Variants in TMPRSS11E observed in about 807,000 individuals in gnomAD.
The protein encoded by TMPRSS11E is transmembrane protease serine 11E.
Under a neutral mutation model 48.1 loss-of-function variants are expected in TMPRSS11E, and 38 were observed. The ratio of observed to expected loss-of-function variants is 0.79; its 90% CI spans 0.61 to 1.04. The LOEUF is 1.04. Ranked by LOEUF, TMPRSS11E falls within the 50% of genes least tolerant of loss-of-function variation. The pLI, the probability that TMPRSS11E is intolerant of heterozygous loss-of-function variation, is 0.00. For missense variants in TMPRSS11E, 530 were observed against 510.8 expected (o/e 1.04, Z -0.36); for synonymous variants, 158 against 171.9 (o/e 0.92, Z 0.63).
chr4:68,491,157 T>C (rs1310709849), intron 9 of TMPRSS11E, among the ~76,000 whole-genome samples: 1 of 152,032 alleles, frequency 6.6e-6, no homozygotes, highest in African/African-American at 2.4e-5. Flanking sequence ...ATTGTCTTCC[T>C]GGATTTGCTG....
At chr4:68,482,590 CAAAAAAAAAAAAAAAA>C (rs371144994) in intron 9 of TMPRSS11E, among the ~76,000 whole-genome samples, 3 of 106,056 alleles carry the variant, frequency 2.8e-5, no homozygotes, top group African/African-American at 3.9e-5. Flanking sequence ...TGCATCTCCA[CAAAAAAAAAAAAAAAA>C]AAAAAAAAAA....
At chr4:68,489,407 GTGGCAGTGGGT>G (rs1376778589) in intron 9 of TMPRSS11E, among the ~76,000 whole-genome samples, 1 of 152,196 alleles carries the variant, frequency 6.6e-6, no homozygotes, top group Non-Finnish European at 1.5e-5. Context: ...CTTTGGCGGG[GTGGCAGTGGGT>G]CAGTGAGGGT....
At chr4:68,495,224 G>A (rs1035018501) in intron 9 of TMPRSS11E, among the ~76,000 whole-genome samples, 1 of 151,918 alleles carries the variant, frequency 6.6e-6, no homozygotes, top group South Asian at 2.1e-4. Flanking sequence ...TTTTCAGCTT[G>A]TAATGCTATT....
At chr4:68,452,895 T>C (rs963700676) in intron 1 of TMPRSS11E, among the ~76,000 whole-genome samples, 1 of 151,986 alleles carries the variant, frequency 6.6e-6, no homozygotes, top group Non-Finnish European at 1.5e-5. Flanking sequence ...TACTAAACTG[T>C]AGGACAACTG....
intron 2 of TMPRSS11E, among the ~76,000 whole-genome samples, chr4:68,465,877 G>A (rs1436396750): frequency 6.6e-6 from 1 of 152,136 alleles, no homozygotes; most frequent in African/African-American, 2.4e-5. Context: ...CTGTCTGCTT[G>A]CTTTATGCAC....
chr4:68,477,660 T>G, intron 8 of TMPRSS11E, 32 bp downstream of exon 8: 1 of 1,605,934 alleles, frequency 6.2e-7, no homozygotes, highest in Non-Finnish European at 8.5e-7. Context: ...CAAGTAAAAG[T>G]TAAATTGGTA....
At chr4:68,479,262 A>G (rs1478581474) in intron 9 of TMPRSS11E, among the ~76,000 whole-genome samples, 1 of 152,120 alleles carries the variant, frequency 6.6e-6, no homozygotes, top group African/African-American at 2.4e-5. Context: ...GAACTATTCT[A>G]TCACCACAAA....
intron 5 of TMPRSS11E, among the ~76,000 whole-genome samples, chr4:68,472,598 G>A (rs149128017): frequency 1.3e-5 from 2 of 151,972 alleles, no homozygotes; most frequent in African/African-American, 2.4e-5. Context: ...ACAGAATAGG[G>A]GACAAGTAGA....
chr4:68,453,871 C>A (rs1380337876), intron 1 of TMPRSS11E, among the ~76,000 whole-genome samples: 1 of 151,418 alleles, frequency 6.6e-6, no homozygotes, highest in Admixed American at 6.6e-5. Flanking sequence ...GCTGTCCTAC[C>A]AGCTTGATTA....
intron 5 of TMPRSS11E, 79 bp from the exon 6 acceptor site, chr4:68,474,644 C>G (rs562482158): frequency 1.6e-5 from 21 of 1,318,810 alleles, no homozygotes; most frequent in Non-Finnish European, 1.8e-5. Context: ...AATTAAGCAG[C>G]CTTTTAGTAT....
At chr4:68,455,441 G>A (rs1728603731) in intron 1 of TMPRSS11E, among the ~76,000 whole-genome samples, 1 of 151,914 alleles carries the variant, frequency 6.6e-6, no homozygotes, top group African/African-American at 2.4e-5. Flanking sequence ...TTGATGTGGA[G>A]TATGCTCTCA....
chr4:68,458,991 C>G (rs1728714301), intron 1 of TMPRSS11E, among the ~76,000 whole-genome samples: 1 of 152,064 alleles, frequency 6.6e-6, no homozygotes, highest in South Asian at 2.1e-4. Flanking sequence ...GGGGTCTGGA[C>G]TTATTATCCT....
At chr4:68,493,243 T>A (rs796267368) in intron 9 of TMPRSS11E, among the ~76,000 whole-genome samples, 14 of 152,228 alleles carry the variant, frequency 9.2e-5, no homozygotes, top group African/African-American at 2.4e-4. Context: ...CATACCCTGA[T>A]AAAATCCCCT....
At chr4:68,474,043 T>C (rs1229934337) in intron 5 of TMPRSS11E, among the ~76,000 whole-genome samples, 3 of 152,144 alleles carry the variant, frequency 2.0e-5, no homozygotes, top group Admixed American at 1.3e-4. Context: ...AGAACTCTGC[T>C]GAGTCAGAAA....
intron 9 of TMPRSS11E, among the ~76,000 whole-genome samples, chr4:68,479,325 T>C (rs1379710898): frequency 6.6e-6 from 1 of 152,062 alleles, no homozygotes; most frequent in East Asian, 1.9e-4. Context: ...AATCACTAAT[T>C]TATTCTCCAT....
chr4:68,461,715 G>A (rs1436990399), intron 1 of TMPRSS11E, 106 bp from the exon 2 acceptor site: 4 of 1,549,056 alleles, frequency 2.6e-6, no homozygotes, highest in Non-Finnish European at 3.5e-6. Context: ...GACAGTACAC[G>A]ACCCTCCAAC....
At chr4:68,483,917 C>T (rs1729480143) in intron 9 of TMPRSS11E, among the ~76,000 whole-genome samples, 1 of 152,168 alleles carries the variant, frequency 6.6e-6, no homozygotes, top group Admixed American at 6.6e-5. Context: ...TTGTTATGGT[C>T]AGCTTTGTCA....
chr4:68,477,985 C>T (rs947231790), intron 8 of TMPRSS11E, among the ~76,000 whole-genome samples: 12 of 152,086 alleles, frequency 7.9e-5, no homozygotes, highest in Non-Finnish European at 1.8e-4. Context: ...CCATTCTCCC[C>T]TACTGAAATT....
In TMPRSS11E at chr4:68,453,882, C is replaced by A. The variant is rs540011615; in HGVS notation, c.11+6359C>A. On this transcript the variant is annotated intron_variant, in intron 1 of 9. Transcript: ENST00000305363. ...TTGTGCTGTCCTACCAGCTTGATTA[C>A]GTGTCTTCCAAATCCTGGTCTACTG... is the stretch of plus-strand genomic sequence containing the variant. 2.1e-4 allele frequency among the ~76,000 whole-genome samples: 31 copies of A among 148,478 alleles called. 1 individual carries two copies. In the South Asian group the frequency reaches 4.5e-3, roughly 21 times the overall value.
Sources: allele counts gnomAD v4.1 joint callset (sites outside exome capture counted in the v4.1 genomes callset), GRCh38; gene constraint gnomAD v4.1.1; transcripts MANE v1.5; gene names NCBI Gene and HGNC (gene_info 2026-07-23, HGNC 2026-07-21).